Variants in NLGN1 observed in about 807,000 individuals in gnomAD.
The protein encoded by NLGN1 is neuroligin 1.
Under a neutral mutation model 65.5 loss-of-function variants are expected in NLGN1, and 12 were observed. The ratio of observed to expected loss-of-function variants is 0.18; its 90% confidence interval spans 0.12 to 0.30. NLGN1 has a LOEUF of 0.30. Among genes scored for constraint, NLGN1 ranks in the 10% least tolerant of loss-of-function variants. The pLI, the probability that NLGN1 is intolerant of heterozygous loss-of-function variation, is 1.00. For missense variants in NLGN1, 750 were observed against 1,007.1 expected, an observed-to-expected ratio of 0.74 and a Z score of 3.46; for synonymous variants, 350 against 359.5, an observed-to-expected ratio of 0.97 and a Z score of 0.30.
At chr3:173,429,957 C>A (rs1175935519) in intron 1 of NLGN1, among the ~76,000 whole-genome samples, 1 of 152,180 alleles carries the variant, frequency 6.6e-6, no homozygotes, top group East Asian at 1.9e-4. Flanking sequence ...TGTGCCCTGG[C>A]TGGTACTAGC....
chr3:173,606,227 G>A (rs536244132), intron 3 of NLGN1, among the ~76,000 whole-genome samples: 13 of 151,874 alleles, frequency 8.6e-5, no homozygotes, highest in African/African-American at 2.2e-4. Context: ...TTATATTTAC[G>A]TTAAACAATT....
chr3:173,574,171 G>A (rs1183865591), intron 2 of NLGN1, among the ~76,000 whole-genome samples: 1 of 150,746 alleles, frequency 6.6e-6, no homozygotes, highest in Non-Finnish European at 1.5e-5. Context: ...ATGCTAAATT[G>A]CAGTTTAATT....
intron 4 of NLGN1, among the ~76,000 whole-genome samples, chr3:174,018,975 A>G (rs759249125): frequency 1.6e-4 from 25 of 152,304 alleles, no homozygotes; most frequent in Non-Finnish European, 1.8e-4. Context: ...AATATAAACA[A>G]ATATAGCTAA....
At chr3:174,172,237 T>C (rs1309637401) in intron 4 of NLGN1, among the ~76,000 whole-genome samples, 1 of 152,080 alleles carries the variant, frequency 6.6e-6, no homozygotes, top group African/African-American at 2.4e-5. Flanking sequence ...TGCATAATAA[T>C]CACATTGGGG....
intron 4 of NLGN1, among the ~76,000 whole-genome samples, chr3:174,269,181 A>T (rs1425799744): frequency 6.6e-6 from 1 of 151,756 alleles, no homozygotes; most frequent in Non-Finnish European, 1.5e-5. Flanking sequence ...ATAGTAAAAA[A>T]ATTTAACATT....
chr3:174,245,643 A>G (rs1357952445), intron 4 of NLGN1, among the ~76,000 whole-genome samples: 1 of 152,208 alleles, frequency 6.6e-6, no homozygotes, highest in Non-Finnish European at 1.5e-5. Flanking sequence ...ACATGCTGAT[A>G]AAATTACTCC....
chr3:174,234,480 C>G (rs1244278439), intron 4 of NLGN1, among the ~76,000 whole-genome samples: 2 of 152,126 alleles, frequency 1.3e-5, no homozygotes, highest in Admixed American at 1.3e-4. Flanking sequence ...CCAGATGTTC[C>G]AAGAAGGTCA....
chr3:174,116,620 G>A (rs1363055249), intron 4 of NLGN1, among the ~76,000 whole-genome samples: 4 of 152,086 alleles, frequency 2.6e-5, no homozygotes, highest in Non-Finnish European at 5.9e-5. Context: ...ATACAGGCAT[G>A]AGTCACCATG....
intron 3 of NLGN1, among the ~76,000 whole-genome samples, chr3:173,773,161 G>C (rs113849294): frequency 1.3e-5 from 2 of 151,976 alleles, no homozygotes; most frequent in Non-Finnish European, 2.9e-5. Flanking sequence ...TTTCCCCACT[G>C]TGCTCAAAGA....
intron 2 of NLGN1, among the ~76,000 whole-genome samples, chr3:173,453,835 A>G (rs1213218135): frequency 2.6e-5 from 4 of 152,144 alleles, no homozygotes; most frequent in African/African-American, 9.7e-5. Flanking sequence ...GCTAATGTTT[A>G]TATTTTGATC....
intron 3 of NLGN1, among the ~76,000 whole-genome samples, chr3:173,631,893 A>T (rs1453025635): frequency 2.1e-5 from 3 of 145,210 alleles, no homozygotes; most frequent in African/African-American, 8.0e-5. Context: ...GATGAAATTT[A>T]AAATGTTCTT....
intron 3 of NLGN1, among the ~76,000 whole-genome samples, chr3:173,702,196 G>C (rs113022779): frequency 1.6e-4 from 24 of 145,576 alleles, no homozygotes; most frequent in Middle Eastern, 3.4e-3. Context: ...CCGAGATCCC[G>C]CCACTGCACT....
At chr3:173,405,319 C>T (rs1718431776) in intron 1 of NLGN1, among the ~76,000 whole-genome samples, 1 of 152,006 alleles carries the variant, frequency 6.6e-6, no homozygotes, top group African/African-American at 2.4e-5. Context: ...CTTAAATTGT[C>T]CTGAACTGTC....
Position 173,872,699 on chromosome 3 carries a change from G to A in NLGN1, c.646+64867G>A, listed in dbSNP as rs1731399102. Among the ~76,000 whole-genome samples, 7 of 152,078 alleles carry A rather than the reference G, an allele frequency of 4.6e-5. No individual in the cohort carries two copies. In the South Asian group the frequency reaches 1.4e-3, roughly 31 times the overall value. On this transcript the variant is annotated intron_variant, in intron 4 of 6. Transcript: ENST00000457714. ...AATGACAGATTTTCTTTCCCACTGA[G>A]GTCCTGCCGACTTGCTTCAAGGATT... is the stretch of plus-strand genomic sequence containing the variant.
intron 2 of NLGN1, among the ~76,000 whole-genome samples, chr3:173,596,790 T>C (rs150932351): frequency 1.3e-5 from 2 of 152,284 alleles, no homozygotes; most frequent in East Asian, 3.9e-4. Context: ...AGTAAACCCT[T>C]TTTGGCCTTG....
chr3:174,188,934 GA>G (rs1485651218), intron 4 of NLGN1, among the ~76,000 whole-genome samples: 1 of 151,604 alleles, frequency 6.6e-6, no homozygotes, highest in Non-Finnish European at 1.5e-5. Flanking sequence ...TTTTGGTTAG[GA>G]AAAAAATCAT....
chr3:174,106,170 T>C (rs905588634), intron 4 of NLGN1, among the ~76,000 whole-genome samples: 6 of 152,200 alleles, frequency 3.9e-5, no homozygotes, highest in East Asian at 1.9e-4. Context: ...TTTTAACTTA[T>C]GTTAGAATCT....
chr3:173,897,090 C>G (rs960258052), intron 4 of NLGN1, among the ~76,000 whole-genome samples: 1 of 152,124 alleles, frequency 6.6e-6, no homozygotes, highest in African/African-American at 2.4e-5. Context: ...ATCTTTCTTC[C>G]CTTTCAAATT....
chr3:173,776,995 A>G (rs1266783201), intron 3 of NLGN1, among the ~76,000 whole-genome samples: 1 of 151,964 alleles, frequency 6.6e-6, no homozygotes, highest in Non-Finnish European at 1.5e-5. Flanking sequence ...GAATAACTAT[A>G]TAACTTGGGA....
Sources: allele counts gnomAD v4.1 joint callset (sites outside exome capture counted in the v4.1 genomes callset), GRCh38; gene constraint gnomAD v4.1.1; transcripts MANE v1.5; gene names NCBI Gene and HGNC (gene_info 2026-07-23, HGNC 2026-07-21).